Variants in RIMBP2 observed in about 807,000 individuals in gnomAD.
RIMBP2 encodes RIMS binding protein 2, also known as RIMS-binding protein 2.
RIMBP2 carries 48 observed loss-of-function variants against 118.6 expected under a neutral mutation model. That is an observed-to-expected ratio of 0.40 (90% CI 0.32 to 0.51). The LOEUF (loss-of-function observed/expected upper bound fraction) is 0.51, where lower values mean the gene tolerates loss of function less well. Ranked by LOEUF, RIMBP2 falls within the 20% of genes least tolerant of loss-of-function variation. The pLI is 0.41. For missense variants in RIMBP2, 1,551 were observed against 1,768.3 expected (o/e 0.88, Z 2.20); for synonymous variants, 762 against 742.9 (o/e 1.03, Z -0.42).
intron 2 of RIMBP2, among the ~76,000 whole-genome samples, chr12:130,592,986 T>C (rs1182697473): frequency 6.6e-6 from 1 of 152,208 alleles, no homozygotes; most frequent in Admixed American, 6.5e-5. Context: ...GTCATCTCAC[T>C]GCGTTGCTGA....
intron 2 of RIMBP2, among the ~76,000 whole-genome samples, chr12:130,566,983 T>C (rs2057268407): frequency 6.6e-6 from 1 of 151,982 alleles, no homozygotes; most frequent in South Asian, 2.1e-4. Context: ...TGGGCTTAAA[T>C]GCACAGGAAA....
chr12:130,673,724 T>C (rs1317124500), intron 1 of RIMBP2, among the ~76,000 whole-genome samples: 1 of 152,146 alleles, frequency 6.6e-6, no homozygotes, highest in Non-Finnish European at 1.5e-5. Flanking sequence ...AAGTGGGGCC[T>C]GGTGGGAGGT....
rs2064130971 is a variant in RIMBP2, at chr12:130,670,153, C to A, written c.-351-41697G>T. 6.6e-6 allele frequency among the ~76,000 whole-genome samples: 1 copy of A among 151,970 alleles called. No homozygotes were observed. The highest frequency in any genetic ancestry group is 2.4e-5 in the African/African-American group (1 of 41,384). The stretch of plus-strand genomic sequence containing the variant: ...GACACTGGAGTGATGCTGCCAGGAG[C>A]CCAGGAATGCCTACGGTTGGGAGAG... On this transcript the variant is annotated intron_variant, in intron 1 of 22. Transcript: ENST00000690449. The surrounding 1 kb of genome is among the most constrained non-coding windows in gnomAD (Gnocchi z 4.9).
At position 130,703,244 on chromosome 12, in the gene RIMBP2, G is replaced by C. The variant is rs1433720495; in HGVS notation, c.-352+12978C>G. 6.6e-6 allele frequency among the ~76,000 whole-genome samples: 1 copy of C among 152,034 alleles called. No individual in the cohort carries two copies. Among genetic ancestry groups the C allele is most frequent in the Non-Finnish European group, 1.5e-5 (1 of 68,008 alleles). On this transcript the variant is annotated intron_variant, in intron 1 of 22. Transcript: ENST00000690449. The surrounding 1 kb of genome is among the most constrained non-coding windows in gnomAD (Gnocchi z 5.7). ...TGGTTGACAGATGACGCCTGGTGTT[G>C]GCCTTGTGCACCCCGATTAACCTCC...
chr12:130,462,434 C>T (rs758395383), intron 6 of RIMBP2, among the ~76,000 whole-genome samples: 10 of 152,220 alleles, frequency 6.6e-5, no homozygotes, highest in African/African-American at 2.4e-5. Context: ...GCGTCTCCAC[C>T]GAGGCCCAAG....
At chr12:130,551,211 G>A (rs1340423181) in intron 2 of RIMBP2, among the ~76,000 whole-genome samples, 2 of 152,244 alleles carry the variant, frequency 1.3e-5, no homozygotes, top group Non-Finnish European at 2.9e-5. Context: ...GGAAGTCCAA[G>A]CCACACCTGG....
chr12:130,676,089 C>T (rs917238821), intron 1 of RIMBP2, among the ~76,000 whole-genome samples: 6 of 152,188 alleles, frequency 3.9e-5, no homozygotes, highest in Admixed American at 2.6e-4. Flanking sequence ...CATCAGGCAC[C>T]GGACCTGCTG....
chr12:130,491,130 C>T (rs2048601812), intron 4 of RIMBP2, among the ~76,000 whole-genome samples: 1 of 152,222 alleles, frequency 6.6e-6, no homozygotes, highest in African/African-American at 2.4e-5. Flanking sequence ...CACCTAAACA[C>T]ATCTGAGGAT....
chr12:130,647,148 G>C (rs2063021503), intron 1 of RIMBP2, among the ~76,000 whole-genome samples: 1 of 152,140 alleles, frequency 6.6e-6, no homozygotes, highest in African/African-American at 2.4e-5. Context: ...GAAGGAAAAA[G>C]CTAATAGTAT....
intron 2 of RIMBP2, among the ~76,000 whole-genome samples, chr12:130,556,698 G>C (rs1289194966): frequency 6.6e-6 from 1 of 152,160 alleles, no homozygotes; most frequent in Non-Finnish European, 1.5e-5. Context: ...CTTCTCGCCT[G>C]CTACCCTCCC....
chr12:130,447,534 T>A lies in RIMBP2; in HGVS notation c.582-2265A>T, dbSNP rs951266669. Among the ~76,000 whole-genome samples the A allele has an allele frequency of 1.3e-5, 2 of 150,888 alleles. No homozygotes were observed. Among genetic ancestry groups the A allele is most frequent in the African/African-American group, 2.5e-5 (1 of 40,664 alleles). ...ATGGGAATGGGTTCTTGAGGGGCGA[T>A]GGGAGACGAGGGACAGGTGATCACT... On this transcript the variant is annotated intron_variant, in intron 9 of 22. Coordinates refer to ENST00000690449, the MANE Select transcript of RIMBP2 (RefSeq NM_001393629.1). This position sits in a 1 kb window ranked among gnomAD's most constrained non-coding sequence, Gnocchi z 4.4.
At chr12:130,466,669 G>C (rs11060911) in intron 6 of RIMBP2, among the ~76,000 whole-genome samples, 3,167 of 152,248 alleles carry the variant, frequency 0.021, 92 homozygotes, top group East Asian at 0.16. Flanking sequence ...ACCTCCCTCA[G>C]AATTTGCACA....
chr12:130,691,936 A>C (rs1350907738), intron 1 of RIMBP2, among the ~76,000 whole-genome samples: 1 of 152,154 alleles, frequency 6.6e-6, no homozygotes, highest in Non-Finnish European at 1.5e-5. Context: ...ACGGGTTTCT[A>C]GAACGAGGAG....
chr12:130,485,052 A>G (rs1278829610), intron 4 of RIMBP2, among the ~76,000 whole-genome samples: 2 of 152,150 alleles, frequency 1.3e-5, no homozygotes, highest in African/African-American at 2.4e-5. Flanking sequence ...CCAAGAGGAG[A>G]AAACCCTTTC....
intron 2 of RIMBP2, among the ~76,000 whole-genome samples, chr12:130,570,069 G>A (rs2057511498): frequency 6.6e-6 from 1 of 152,080 alleles, no homozygotes; most frequent in Admixed American, 6.5e-5. Context: ...CCAAAGCACA[G>A]CCCGGATCTG....
intron 1 of RIMBP2, among the ~76,000 whole-genome samples, chr12:130,665,845 C>T (rs1250149693): frequency 6.6e-6 from 1 of 152,170 alleles, no homozygotes; most frequent in Non-Finnish European, 1.5e-5. Flanking sequence ...TGTTACACTT[C>T]CCCCTCTTGA....
rs529037097 is a variant in RIMBP2, at chr12:130,460,911, A to C, written c.154-4211T>G. ...CACCCAACTGGGCTCACTGCACAGG[A>C]GATTCCATGCCCTCCTGTGACACAA... On this transcript the variant is annotated intron_variant, in intron 6 of 22. Coordinates refer to ENST00000690449, the MANE Select transcript of RIMBP2 (RefSeq NM_001393629.1). 3.3e-5 allele frequency among the ~76,000 whole-genome samples: 5 copies of C among 152,222 alleles called. No homozygotes were observed. The South Asian group carries it at 8.3e-4, about 25-fold the overall frequency.
chr12:130,679,872 C>T (rs550313601), intron 1 of RIMBP2, among the ~76,000 whole-genome samples: 8 of 152,170 alleles, frequency 5.3e-5, no homozygotes, highest in Non-Finnish European at 1.0e-4. Flanking sequence ...AGAGTGTGTT[C>T]GCCCGCCACG....
intron 4 of RIMBP2, among the ~76,000 whole-genome samples, chr12:130,496,519 C>A (rs113277923): frequency 6.6e-6 from 1 of 152,084 alleles, no homozygotes; most frequent in Non-Finnish European, 1.5e-5. Flanking sequence ...GAGGAGGCTG[C>A]GAGGGGTGAG....
Sources: gnomAD v4.1 joint callset for allele counts (sites outside exome capture counted in the v4.1 genomes callset) on GRCh38, gnomAD v4.1.1 for gene constraint, Gnocchi (gnomAD v3.1) non-coding constraint, MANE v1.5 for transcripts, NCBI Gene and HGNC (gene_info 2026-07-23, HGNC 2026-07-21) for gene names.